Variants in KCNJ6 observed in about 807,000 individuals in gnomAD.
The protein encoded by KCNJ6 is potassium inwardly rectifying channel subfamily J member 6, also known as G protein-activated inward rectifier potassium channel 2.
In KCNJ6, 9 loss-of-function variants were observed where a neutral mutation model predicts 34.2. The ratio of observed to expected loss-of-function variants is 0.26; its 90% CI spans 0.16 to 0.46. The LOEUF (loss-of-function observed/expected upper bound fraction) is 0.46, where lower values mean the gene tolerates loss of function less well. KCNJ6 is among the 20% of genes least tolerant of loss of function. The probability of loss-of-function intolerance (pLI) is 1.00; values close to 1 mark genes in which losing one functional copy is unlikely to be tolerated. For missense variants in KCNJ6, 236 were observed against 531.3 expected, an observed-to-expected ratio of 0.44 and a Z score of 5.46; for synonymous variants, 196 against 207.1, an observed-to-expected ratio of 0.95 and a Z score of 0.46.
At chr21:37,879,464 G>A (rs1448024734) in intron 1 of KCNJ6, among the ~76,000 whole-genome samples, 1 of 152,104 alleles carries the variant, frequency 6.6e-6, no homozygotes, top group Non-Finnish European at 1.5e-5. Context: ...TAAGGGGGTT[G>A]GCTATGACCT....
chr21:37,665,915 G>C (rs1787400), intron 3 of KCNJ6, among the ~76,000 whole-genome samples: 87,672 of 151,996 alleles, frequency 0.58, 25,548 homozygotes, highest in East Asian at 0.85. Context: ...TGGAGGAGTG[G>C]AGCTGGGGGC....
intron 1 of KCNJ6, among the ~76,000 whole-genome samples, chr21:37,874,597 G>A (rs7277957): frequency 0.5 from 75,942 of 152,024 alleles, 19,300 homozygotes; most frequent in Admixed American, 0.61. Context: ...CCACTCTGTA[G>A]GGTCTAAGGA....
intron 2 of KCNJ6, among the ~76,000 whole-genome samples, chr21:37,740,888 C>G (rs2054937967): frequency 6.6e-6 from 1 of 152,236 alleles, no homozygotes; most frequent in Non-Finnish European, 1.5e-5. Flanking sequence ...ATAAACACTC[C>G]AGCTTTTGCC....
chr21:37,881,468 A>G (rs923953496), intron 1 of KCNJ6, among the ~76,000 whole-genome samples: 2 of 89,148 alleles, frequency 2.2e-5, no homozygotes. Context: ...TCCTCTCTGC[A>G]TGGAGAGAGA....
At chr21:37,862,221 AT>A (rs1205746913) in intron 1 of KCNJ6, among the ~76,000 whole-genome samples, 1 of 152,230 alleles carries the variant, frequency 6.6e-6, no homozygotes, top group East Asian at 1.9e-4. Context: ...CAACAGTTGA[AT>A]CCCCCAAACA....
At chr21:37,682,689 C>T (rs759342641) in intron 3 of KCNJ6, among the ~76,000 whole-genome samples, 21 of 152,176 alleles carry the variant, frequency 1.4e-4, no homozygotes, top group South Asian at 4.1e-4. Flanking sequence ...CCCCATTCAT[C>T]GGTACTGGGG....
At chr21:37,691,207 AG>A (rs2054638125) in intron 3 of KCNJ6, among the ~76,000 whole-genome samples, 1 of 152,200 alleles carries the variant, frequency 6.6e-6, no homozygotes, top group South Asian at 2.1e-4. Context: ...AGCCACTGCA[AG>A]GGCAGATGGC....
chr21:37,890,255 C>G (rs1034504901), intron 1 of KCNJ6, among the ~76,000 whole-genome samples: 1 of 152,032 alleles, frequency 6.6e-6, no homozygotes, highest in Admixed American at 6.6e-5. Context: ...GGGGAAAAGC[C>G]CCTTATAAAA....
intron 1 of KCNJ6, among the ~76,000 whole-genome samples, chr21:37,890,044 A>T (rs1324962863): frequency 2.0e-5 from 3 of 152,170 alleles, no homozygotes; most frequent in African/African-American, 7.2e-5. Context: ...AGCCTGAAAA[A>T]TTTATATACT....
At chr21:37,913,605 G>A (rs573501576) in intron 1 of KCNJ6, among the ~76,000 whole-genome samples, 1 of 152,108 alleles carries the variant, frequency 6.6e-6, no homozygotes, top group Non-Finnish European at 1.5e-5. Context: ...GGATCACAAC[G>A]TCATGAGTTC....
intron 2 of KCNJ6, among the ~76,000 whole-genome samples, chr21:37,788,581 G>C (rs1014838175): frequency 2.6e-5 from 4 of 152,164 alleles, no homozygotes; most frequent in African/African-American, 9.7e-5. Flanking sequence ...CCTTGGATCT[G>C]AGCTGACATT....
At chr21:37,883,577 T>G (rs946281925) in intron 1 of KCNJ6, among the ~76,000 whole-genome samples, 13 of 152,216 alleles carry the variant, frequency 8.5e-5, no homozygotes, top group African/African-American at 3.1e-4. Context: ...GGGCACCGTC[T>G]TGGCTTCTCT....
intron 3 of KCNJ6, among the ~76,000 whole-genome samples, chr21:37,686,722 C>T (rs2054617426): frequency 6.6e-6 from 1 of 152,096 alleles, no homozygotes; most frequent in Non-Finnish European, 1.5e-5. Context: ...CCACCCTGGC[C>T]TCCCAAAGTG....
chr21:37,900,942 TA>T (rs2055813941), intron 1 of KCNJ6, among the ~76,000 whole-genome samples: 1 of 152,168 alleles, frequency 6.6e-6, no homozygotes, highest in African/African-American at 2.4e-5. Context: ...CAATTTTAGT[TA>T]TAAAACATAA....
intron 3 of KCNJ6, among the ~76,000 whole-genome samples, chr21:37,712,956 C>T (rs1323989759): frequency 6.6e-6 from 1 of 151,996 alleles, no homozygotes; most frequent in African/African-American, 2.4e-5. Context: ...GGTTCCTGTG[C>T]CTTTTGTTCT....
chr21:37,869,942 T>C lies in KCNJ6; in HGVS notation c.-27-29233A>G, dbSNP rs141196376. Among the ~76,000 whole-genome samples the C allele has an allele frequency of 3.1e-3, 476 of 152,058 alleles. 1 individual carries two copies. Among genetic ancestry groups the C allele is most frequent in the Admixed American group, 7.7e-3 (117 of 15,282 alleles). ...GGTAGACCCAAGGGGTGGGGTGCTA[T>C]AGATAGTAGGAAGTGAAAAGCAAAG... On this transcript the variant is annotated intron_variant, in intron 1 of 3. Transcript: ENST00000609713.
intron 2 of KCNJ6, among the ~76,000 whole-genome samples, chr21:37,756,918 G>A (rs1326595698): frequency 8.5e-4 from 73 of 86,228 alleles, no homozygotes; most frequent in African/African-American, 2.7e-3. Flanking sequence ...ATTCCAGCCT[G>A]GAGTGAGCAC....
At chr21:37,864,871 CT>C (rs67735635) in intron 1 of KCNJ6, among the ~76,000 whole-genome samples, 37,878 of 142,168 alleles carry the variant, frequency 0.27, 5,281 homozygotes, top group African/African-American at 0.38. Flanking sequence ...GTCTCTCTCT[CT>C]TTTTTTTTTT....
chr21:37,871,101 T>A lies in KCNJ6; in HGVS notation c.-27-30392A>T, dbSNP rs112512159. ...CTCCTCTTGATGTTGAGGGCTCCAC[T>A]GACTGCCATTGACACAAGAGCTTAG... On this transcript the variant is annotated intron_variant, in intron 1 of 3. Coordinates refer to ENST00000609713, the MANE Select transcript of KCNJ6 (RefSeq NM_002240.5). 4.7e-3 allele frequency among the ~76,000 whole-genome samples: 710 copies of A among 152,288 alleles called. 3 individuals are homozygous for A. The highest frequency in any genetic ancestry group is 0.014 in the Middle Eastern group (4 of 294).
Sources: gnomAD v4.1 joint callset for allele counts (sites outside exome capture counted in the v4.1 genomes callset) on GRCh38, gnomAD v4.1.1 for gene constraint, MANE v1.5 for transcripts, NCBI Gene and HGNC (gene_info 2026-07-23, HGNC 2026-07-21) for gene names.